The following PBK variants were observed in gnomAD, a reference collection of about 807,000 sequenced individuals.
PBK encodes lymphokine-activated killer T-cell-originated protein kinase.
Under a neutral mutation model 33.5 loss-of-function variants are expected in PBK, and 22 were observed. The observed-to-expected ratio is 0.66, with a 90% CI of 0.47 to 0.94. PBK has a LOEUF of 0.94. Ranked by LOEUF, PBK falls within the 40% of genes least tolerant of loss-of-function variation. The pLI is 0.00. For missense variants in PBK, 376 were observed against 383.4 expected (o/e 0.98, Z 0.16); for synonymous variants, 129 against 123.8 (o/e 1.04, Z -0.28).
chr8:27,810,933 T>C, intron 7 of PBK, 25 bp downstream of exon 7: 1 of 1,372,080 alleles, frequency 7.3e-7, no homozygotes, highest in Non-Finnish European at 1.0e-6. Context: ...GAGATTGGGA[T>C]TTATGTTAGA....
intron 6 of PBK, among the ~76,000 whole-genome samples, chr8:27,817,198 A>C (rs1805834666): frequency 6.6e-6 from 1 of 152,162 alleles, no homozygotes; most frequent in Non-Finnish European, 1.5e-5. Flanking sequence ...ATTTTTAGTG[A>C]GAAAGCCAGA....
At chr8:27,828,744 C>CAAAAAAAAAAAAAAAAAAAAAAAAAA (rs34388320) in intron 2 of PBK, among the ~76,000 whole-genome samples, 1 of 82,606 alleles carries the variant, frequency 1.2e-5, no homozygotes, top group Non-Finnish European at 2.3e-5. Flanking sequence ...GACACAGTCT[C>CAAAAAAAAAAAAAAAAAAAAAAAAAA]AAAAAAAAAA....
At chr8:27,834,988 G>C (rs1479835129) in intron 1 of PBK, among the ~76,000 whole-genome samples, 2 of 150,812 alleles carry the variant, frequency 1.3e-5, no homozygotes, top group Non-Finnish European at 2.9e-5. Context: ...ACATATTTAA[G>C]AATTTTTTTA....
intron 5 of PBK, among the ~76,000 whole-genome samples, chr8:27,821,734 A>C (rs1355894516): frequency 6.6e-6 from 1 of 152,180 alleles, no homozygotes; most frequent in East Asian, 1.9e-4. Flanking sequence ...TAATTTTTAG[A>C]AATAATTTTG....
intron 4 of PBK, 45 bp from the exon 5 acceptor site, chr8:27,822,533 A>C (rs1805950574): frequency 2.2e-6 from 3 of 1,349,128 alleles, no homozygotes; most frequent in Non-Finnish European, 2.1e-6. Context: ...GAGAAGAACA[A>C]TAATATTTAA....
In PBK at chr8:27,829,594, G is replaced by A. The variant is rs138085684; in HGVS notation, c.59-1396C>T. Among the ~76,000 whole-genome samples the A allele has an allele frequency of 5.1e-3, 776 of 152,300 alleles. 20 individuals carry two copies. The East Asian group carries it at 0.098, about 19-fold the overall frequency. On this transcript the variant is annotated intron_variant, in intron 2 of 7. Transcript: ENST00000301905. ...AAAAATAAATCAATAGAGGCCTAGCGCGGTGGCTCACGCCTGTAATCCCAG... is the reference window on the plus strand; with the variant it reads ...AAAAATAAATCAATAGAGGCCTAGCACGGTGGCTCACGCCTGTAATCCCAG...
Position 27,835,275 on chromosome 8 carries a change from T to G in PBK, c.-20-2142A>C, listed in dbSNP as rs561904335. On this transcript the variant is annotated intron_variant, in intron 1 of 7. Transcript: ENST00000301905. ...GCTACAATCACTATTGTCTTCAGAT[T>G]TACCTGTCCTGAGAACACCGAAGAG... Among the ~76,000 whole-genome samples the G allele has an allele frequency of 2.3e-4, 35 of 152,296 alleles. No homozygotes were observed. The South Asian group carries it at 4.1e-3, about 18-fold the overall frequency.
intron 1 of PBK, among the ~76,000 whole-genome samples, chr8:27,835,433 T>C (rs1242237209): frequency 6.6e-6 from 1 of 152,152 alleles, no homozygotes; most frequent in Non-Finnish European, 1.5e-5. Context: ...GCAGAGTGGG[T>C]TGCAGGAGGT....
rs547627666 is a variant in PBK, at chr8:27,835,608, A to G, written c.-21+2044T>C. 4.0e-5 allele frequency among the ~76,000 whole-genome samples: 6 copies of G among 151,188 alleles called. No individual in the cohort carries two copies. In the South Asian group the frequency reaches 6.3e-4, roughly 16 times the overall value. On this transcript the variant is annotated intron_variant, in intron 1 of 7. Transcript: ENST00000301905. ...CTCTTGTTGCCCAGGCTGGGGTGCAATGGTGCAATCTCGGCTCACTGCAAC... is the reference window on the plus strand; with the variant it reads ...CTCTTGTTGCCCAGGCTGGGGTGCAGTGGTGCAATCTCGGCTCACTGCAAC...
chr8:27,812,855 C>T (rs1274793109), intron 6 of PBK, among the ~76,000 whole-genome samples: 4 of 152,138 alleles, frequency 2.6e-5, no homozygotes, highest in African/African-American at 4.8e-5. Flanking sequence ...AATAGGAATG[C>T]TTTTACACTG....
At chr8:27,827,479 C>T (rs1055284519) in intron 3 of PBK, among the ~76,000 whole-genome samples, 2 of 151,992 alleles carry the variant, frequency 1.3e-5, no homozygotes, top group African/African-American at 4.8e-5. Flanking sequence ...CCTGGGAGGT[C>T]GTGCCACTGC....
intron 2 of PBK, among the ~76,000 whole-genome samples, chr8:27,831,813 G>C (rs1323955276): frequency 1.3e-5 from 2 of 151,982 alleles, no homozygotes; most frequent in African/African-American, 4.8e-5. Flanking sequence ...AATTCACAAA[G>C]AAAATAAGAG....
At chr8:27,814,543 CCCTT>C (rs1007999403) in intron 6 of PBK, among the ~76,000 whole-genome samples, 19 of 151,828 alleles carry the variant, frequency 1.3e-4, no homozygotes, top group African/African-American at 3.6e-4. Context: ...TAGCTTTATT[CCCTT>C]CCTTTGGATT....
intron 3 of PBK, 41 bp downstream of exon 3, chr8:27,828,064 T>C (rs763249949): frequency 2.2e-6 from 2 of 914,452 alleles, no homozygotes; most frequent in East Asian, 2.4e-5. Flanking sequence ...AGTAGAATTA[T>C]AGTTGCATGA....
rs771646980 is a variant in PBK, at chr8:27,820,657, A to G, written c.503T>C (p.Ile168Thr). The G allele has an allele frequency of 1.9e-6, 3 of 1,569,424 alleles. No individual in the cohort carries two copies. Among genetic ancestry groups the G allele is most frequent in the Non-Finnish European group, 2.6e-6 (3 of 1,143,202 alleles). ...TTTAATTACAACATTTGAAGACTTT[A>G]TGTCTCCATGAAGCAGTTTCTTTTC... ...HQEKKLLHGDIKSSNVVIKGD... is the reference protein window; with the variant it reads ...HQEKKLLHGDTKSSNVVIKGD... Residue 168 changes from isoleucine (I) to threonine (T), a missense_variant, in exon 6 of 8, where the codon ATA (isoleucine) becomes ACA (threonine). Ile to Thr is a moderately conservative substitution (Grantham distance 89). Transcript: ENST00000301905.
At chr8:27,822,016 T>C (rs1805938466) in intron 5 of PBK, among the ~76,000 whole-genome samples, 2 of 152,202 alleles carry the variant, frequency 1.3e-5, no homozygotes, top group South Asian at 4.1e-4. Flanking sequence ...GGGCTATATA[T>C]ACCACATAGC....
intron 6 of PBK, chr8:27,811,371 T>A (rs2128960902): frequency 1.7e-6 from 1 of 586,398 alleles, no homozygotes. Context: ...CTCTTACAAA[T>A]TAGTAGGAAT....
chr8:27,819,556 T>TG (rs2128963018), intron 6 of PBK, among the ~76,000 whole-genome samples: 1 of 152,228 alleles, frequency 6.6e-6, no homozygotes, highest in East Asian at 1.9e-4. Context: ...GCATTGATGT[T>TG]AAGGAATATC....
intron 6 of PBK, among the ~76,000 whole-genome samples, chr8:27,815,916 T>G (rs933162037): frequency 5.3e-5 from 8 of 152,242 alleles, no homozygotes; most frequent in African/African-American, 1.9e-4. Flanking sequence ...GATGAGATCA[T>G]AAACTAATGG....
Sources: allele counts gnomAD v4.1 joint callset (sites outside exome capture counted in the v4.1 genomes callset), GRCh38; gene constraint gnomAD v4.1.1; transcripts MANE v1.5; gene names NCBI Gene and HGNC (gene_info 2026-07-23, HGNC 2026-07-21).